Variants in ADIPOR1 observed in about 807,000 individuals in gnomAD.
ADIPOR1 encodes the protein adiponectin receptor protein 1.
In ADIPOR1, 15 loss-of-function variants were observed where a neutral mutation model predicts 37.5. The ratio of observed to expected loss-of-function variants is 0.40; its 90% CI spans 0.27 to 0.62. ADIPOR1 has a LOEUF of 0.62. Among genes scored for constraint, ADIPOR1 ranks in the 20% least tolerant of loss-of-function variants. The probability of loss-of-function intolerance (pLI) is 0.42; values close to 1 mark genes in which losing one functional copy is unlikely to be tolerated. For missense variants in ADIPOR1, 286 were observed against 478.0 expected, an observed-to-expected ratio of 0.60 and a Z score of 3.75; for synonymous variants, 173 against 173.2, an observed-to-expected ratio of 1.00 and a Z score of 0.01.
chr1:202,949,593 A>AAAAAAAAAAACAAAAC (rs1332418254), intron 2 of ADIPOR1, among the ~76,000 whole-genome samples: 1 of 138,334 alleles, frequency 7.2e-6, no homozygotes, highest in Admixed American at 8.1e-5. Context: ...AAAAAAAAAA[A>AAAAAAAAAAACAAAAC]AAAACACACC....
chr1:202,945,081 A>C lies in ADIPOR1; in HGVS notation c.519T>G (p.Phe173Leu), dbSNP rs760115326. Residue 173 changes from phenylalanine (F) to leucine (L), a missense_variant, in exon 5 of 8, where the codon TTT (phenylalanine) becomes TTG (leucine). By Grantham distance (22) the Phe-to-Leu change is conservative. Coordinates refer to ENST00000340990, the MANE Select transcript of ADIPOR1 (RefSeq NM_015999.6). Reference protein sequence around the residue: ...FMAPLQEKVVFGMFFLGAVLC... With the variant: ...FMAPLQEKVVLGMFFLGAVLC... ...GCACTGCACCCAAAAAGAACATCCCAAAAACCACCTTCTCCTGTAGAGGGG... is the reference window on the plus strand; with the variant it reads ...GCACTGCACCCAAAAAGAACATCCCCAAAACCACCTTCTCCTGTAGAGGGG... 7 of 1,614,034 alleles carry C rather than the reference A, an allele frequency of 4.3e-6. No individual in the cohort carries two copies. Among genetic ancestry groups the C allele is most frequent in the Non-Finnish European group, 5.9e-6 (7 of 1,179,988 alleles).
chr1:202,943,811 A>G lies in ADIPOR1; in HGVS notation c.752T>C (p.Ile251Thr), dbSNP rs369530077. 5.6e-6 allele frequency: 9 copies of G among 1,614,138 alleles called. No individual in the cohort carries two copies. Among genetic ancestry groups the G allele is most frequent in the African/African-American group, 2.7e-5 (2 of 75,060 alleles). Residue 251 changes from isoleucine to threonine, a missense_variant, in exon 6 of 8, where the codon ATT becomes ACT. Physicochemically the swap from Ile to Thr is moderately conservative, Grantham distance 89 (BLOSUM62 -1). Coordinates refer to ENST00000340990, the MANE Select transcript of ADIPOR1 (RefSeq NM_015999.6). ...GGCAAACCGGTCCCACTGCGCCACA[A>G]TGATGGCAGAAATGCCCAGGACACA... ...IVCVLGISAI[I>T]VAQWDRFATP...
At chr1:202,954,012 T>G (rs1026233186) in intron 1 of ADIPOR1, among the ~76,000 whole-genome samples, 1 of 152,240 alleles carries the variant, frequency 6.6e-6, no homozygotes, top group African/African-American at 2.4e-5. Context: ...AAAGTTTTTA[T>G]GCCCTCAAGT....
At chr1:202,942,253 A>G (rs1654122060) in intron 6 of ADIPOR1, 35 bp from the exon 7 acceptor site, 1 of 1,558,186 alleles carries the variant, frequency 6.4e-7, no homozygotes, top group Non-Finnish European at 8.7e-7. Context: ...TCAAACAAGG[A>G]AACAGCCACC....
intron 2 of ADIPOR1, among the ~76,000 whole-genome samples, chr1:202,948,839 T>G (rs1002436331): frequency 9.2e-5 from 14 of 151,818 alleles, no homozygotes; most frequent in African/African-American, 3.4e-4. Flanking sequence ...TCACCCAGGC[T>G]GGAGTACAGT....
chr1:202,942,928 T>C lies in ADIPOR1; in HGVS notation c.806-710A>G, dbSNP rs144519107. On this transcript the variant is annotated intron_variant, in intron 6 of 7. Coordinates refer to ENST00000340990, the MANE Select transcript of ADIPOR1 (RefSeq NM_015999.6). Reference sequence around the variant, plus strand: ...TTGCCCAGGCTGGAGTGCAGTGGCGTGATCTTGGCTCACTACAACCTCTGC... The same window carrying C: ...TTGCCCAGGCTGGAGTGCAGTGGCGCGATCTTGGCTCACTACAACCTCTGC... Among the ~76,000 whole-genome samples, 1,167 of 151,064 alleles carry C rather than the reference T, an allele frequency of 7.7e-3. 23 individuals are homozygous for C. The highest frequency in any genetic ancestry group is 0.027 in the African/African-American group (1,102 of 41,126).
chr1:202,949,593 A>AAAAAAAAAAAAAAAAAC lies in ADIPOR1; in HGVS notation c.142-1174_142-1173insGTTTTTTTTTTTTTTTT, dbSNP rs1332418254. ...GACTCTGTCTCCAAAAAAAAAAAAA[A>AAAAAAAAAAAAAAAAAC]AAAACACACCCAGGAGAGCACTTGC... On this transcript the variant is annotated intron_variant, in intron 2 of 7. Coordinates refer to ENST00000340990, the MANE Select transcript of ADIPOR1 (RefSeq NM_015999.6). Among the ~76,000 whole-genome samples, 4 of 138,396 alleles carry AAAAAAAAAAAAAAAAAC rather than the reference A, an allele frequency of 2.9e-5. 1 individual carries two copies. In the East Asian group the frequency reaches 9.6e-4, roughly 33 times the overall value. The allele number at this position is 138,396 out of a possible 152,430, so 90.8% of individuals were successfully genotyped here.
intron 1 of ADIPOR1, among the ~76,000 whole-genome samples, chr1:202,954,538 G>A (rs998867815): frequency 3.9e-5 from 6 of 152,160 alleles, no homozygotes; most frequent in Admixed American, 3.3e-4. Context: ...ATGTCCTTAC[G>A]TATTTTAGAG....
intron 3 of ADIPOR1, 131 bp from the exon 4 acceptor site, chr1:202,946,741 GC>G (rs1654338274): frequency 2.4e-6 from 2 of 834,592 alleles, no homozygotes; most frequent in Admixed American, 4.8e-5. Context: ...TGGAGAACCA[GC>G]CTGGACTGGG....
chr1:202,941,895 T>C, intron 7 of ADIPOR1, 130 bp downstream of exon 7: 1 of 1,188,530 alleles, frequency 8.4e-7, no homozygotes, highest in Non-Finnish European at 1.2e-6. Context: ...ATTGATGATT[T>C]ACCTTCAATG....
At position 202,945,173 on chromosome 1, in the gene ADIPOR1, C is replaced by G. The variant is rs1188540932; in HGVS notation, c.431-4G>C. ...AAAAAGAGAAACAGCACGAAACCTG[C>G]AGGAGGGTAAAATAAAAAAAACCTG... On this transcript the variant is annotated splice_region_variant and splice_polypyrimidine_tract_variant and intron_variant, in intron 4 of 7. Coordinates refer to ENST00000340990, the MANE Select transcript of ADIPOR1 (RefSeq NM_015999.6). 1 of 1,587,010 alleles carries G rather than the reference C, an allele frequency of 6.3e-7. No homozygotes were observed. The highest frequency in any genetic ancestry group is 1.2e-5 in the South Asian group (1 of 86,944).
chr1:202,945,268 C>A (rs1654264012), intron 4 of ADIPOR1, 99 bp from the exon 5 acceptor site: 1 of 1,094,992 alleles, frequency 9.1e-7, no homozygotes, highest in South Asian at 1.9e-5. Flanking sequence ...GGCAACATCA[C>A]TAATCATCAG....
chr1:202,946,926 C>T (rs1287369755), intron 3 of ADIPOR1, among the ~76,000 whole-genome samples: 1 of 151,228 alleles, frequency 6.6e-6, no homozygotes, highest in Non-Finnish European at 1.5e-5. Flanking sequence ...ACCTGCCTGA[C>T]TAACATGGTG....
intron 1 of ADIPOR1, among the ~76,000 whole-genome samples, chr1:202,952,393 A>G (rs1654611743): frequency 6.6e-6 from 1 of 152,186 alleles, no homozygotes; most frequent in African/African-American, 2.4e-5. Context: ...GGCAGTAAAC[A>G]TAACTTTGCT....
At chr1:202,958,563 A>C (rs1384155157), upstream of ADIPOR1, 2 of 152,378 alleles carry the variant, frequency 1.3e-5, no homozygotes, top group African/African-American at 2.4e-5. Flanking sequence ...CGCAGCCTGA[A>C]GTGCGTGATG....
chr1:202,951,106 G>C lies in ADIPOR1; in HGVS notation c.-36C>G. On this transcript the variant is annotated 5_prime_UTR_variant, in exon 2 of 8. Transcript: ENST00000340990. ...CCTCAATACCCTGCAGCTTCAGCTT[G>C]GGGAAAGGTTGGGGTCTCTCAGCCC... 2.5e-6 allele frequency: 4 copies of C among 1,612,514 alleles called. No individual in the cohort carries two copies. Among genetic ancestry groups the C allele is most frequent in the Non-Finnish European group, 3.4e-6 (4 of 1,178,750 alleles).
rs374623170 is a variant in ADIPOR1 at position 202,942,137 on chromosome 1, G to C, written c.887C>G (p.Thr296Arg). ...GAAGAACCAGCCCATCTGGCCCACTGTGGTGGCCTTGACAAAGCCCTCAGC... is the reference window on the plus strand; with the variant it reads ...GAAGAACCAGCCCATCTGGCCCACTCTGGTGGCCTTGACAAAGCCCTCAGC... ...TIAEGFVKAT[T>R]VGQMGWFFLM... Residue 296 changes from threonine to arginine, a missense_variant, in exon 7 of 8, where the codon ACA becomes AGA. Transcript: ENST00000340990. The C allele has an allele frequency of 5.0e-6, 8 of 1,614,192 alleles. No individual in the cohort carries two copies. The highest frequency in any genetic ancestry group is 5.9e-6 in the Non-Finnish European group (7 of 1,180,036).
At chr1:202,957,852 C>A (rs1654843614) in intron 1 of ADIPOR1, among the ~76,000 whole-genome samples, 1 of 152,220 alleles carries the variant, frequency 6.6e-6, no homozygotes, top group Non-Finnish European at 1.5e-5. Context: ...GCTCTCTGGT[C>A]CCGATCTGGG....
chr1:202,942,003 T>G, intron 7 of ADIPOR1, 22 bp downstream of exon 7: 1 of 1,598,962 alleles, frequency 6.3e-7, no homozygotes, highest in Non-Finnish European at 8.5e-7. Flanking sequence ...TCACAGGACC[T>G]GCTGGAAGAT....
Sources: allele counts gnomAD v4.1 joint callset (sites outside exome capture counted in the v4.1 genomes callset), GRCh38; gene constraint gnomAD v4.1.1; transcripts MANE v1.5; gene names NCBI Gene and HGNC (gene_info 2026-07-23, HGNC 2026-07-21).